CAST: variants seen among roughly 807,000 people sequenced by gnomAD.
CAST encodes the protein MIR583 host.
In CAST, 76 loss-of-function variants were observed where a neutral mutation model predicts 119.6. The ratio of observed to expected loss-of-function variants is 0.64; its 90% CI spans 0.53 to 0.77. The LOEUF is 0.77. CAST is among the 30% of genes least tolerant of loss of function. The probability of loss-of-function intolerance (pLI) is 0.00; values close to 1 mark genes in which losing one functional copy is unlikely to be tolerated. For missense variants in CAST, 953 were observed against 946.5 expected, an observed-to-expected ratio of 1.01 and a Z score of -0.09; for synonymous variants, 319 against 331.6, an observed-to-expected ratio of 0.96 and a Z score of 0.41.
At chr5:96,312,163 C>A in the CAST span, among the ~76,000 whole-genome samples, 34 of 152,176 alleles carry the variant, frequency 2.2e-4, no homozygotes, top group Admixed American at 5.9e-4. Flanking sequence ...GATAACAACT[C>A]AAATTTGATT....
intron 2 of CAST, among the ~76,000 whole-genome samples, chr5:96,693,595 G>A (rs1409031056): frequency 2.0e-5 from 3 of 152,168 alleles, no homozygotes; most frequent in Admixed American, 6.5e-5. Flanking sequence ...CAGTTTCCTC[G>A]CTGGAAAATG....
At chr5:96,352,357 T>C in the CAST span, among the ~76,000 whole-genome samples, 1 of 152,134 alleles carries the variant, frequency 6.6e-6, no homozygotes, top group Non-Finnish European at 1.5e-5. Context: ...CTCATGAAAT[T>C]TGCTTACGTT....
chr5:96,304,079 G>A, the CAST span, among the ~76,000 whole-genome samples: 427 of 152,232 alleles, frequency 2.8e-3, 1 homozygote, highest in African/African-American at 9.5e-3. Flanking sequence ...GTGTAAAAGC[G>A]TTCCTATTTC....
chr5:96,694,638 C>A (rs1433452548), intron 2 of CAST, among the ~76,000 whole-genome samples: 1 of 151,580 alleles, frequency 6.6e-6, no homozygotes, highest in East Asian at 1.9e-4. Context: ...CTCAAAAAAA[C>A]AAACAAACAA....
At position 96,773,242 on chromosome 5, in the gene CAST, T is replaced by A. The variant is rs983858554; in HGVS notation, c.*626T>A. 1 of 153,598 alleles carries A rather than the reference T, an allele frequency of 6.5e-6. No individual in the cohort carries two copies. Among genetic ancestry groups the A allele is most frequent in the Admixed American group, 6.5e-5 (1 of 15,278 alleles). 9.5% of individuals were successfully genotyped at this position (153,598 alleles called of 1,614,324 possible). A position where few individuals can be genotyped will look rare whatever the true frequency, so the allele number is the denominator to read the frequency against. On this transcript the variant is annotated 3_prime_UTR_variant, in exon 32 of 32. Coordinates refer to ENST00000675179, the MANE Select transcript of CAST (RefSeq NM_001750.7). The stretch of plus-strand genomic sequence containing the variant: ...ACAAACCAGGAAGCACCAAACCCCT[T>A]TTCAGTTTGAACTCTTCTTTGCCAG...
At chr5:96,153,386 G>A in the CAST span, among the ~76,000 whole-genome samples, 3 of 152,200 alleles carry the variant, frequency 2.0e-5, no homozygotes, top group Non-Finnish European at 2.9e-5. Flanking sequence ...ACGCACTCAG[G>A]TTCTGGAATT....
chr5:96,557,305 C>T (rs564078743), intron 1 of CAST, among the ~76,000 whole-genome samples: 234 of 152,024 alleles, frequency 1.5e-3, no homozygotes, highest in African/African-American at 4.7e-3. Flanking sequence ...CATCAACTAA[C>T]GAGCAAAATA....
At chr5:95,995,373 C>A in the CAST span, among the ~76,000 whole-genome samples, 8 of 152,230 alleles carry the variant, frequency 5.3e-5, no homozygotes, top group South Asian at 1.7e-3. Context: ...TTACCTGCTT[C>A]TTCTATCAAA....
rs187014860 is a variant in CAST, at chr5:96,535,505, T to C, written c.60+5625T>C. ...AGAACAGGCATAGGACATGGTGGCA[T>C]GAGTTGCCAGGTAAAATATAGGAGA... On this transcript the variant is annotated intron_variant, in intron 1 of 11. Transcript: ENST00000505143. Among the ~76,000 whole-genome samples, 67 of 151,828 alleles carry C rather than the reference T, an allele frequency of 4.4e-4. No individual in the cohort carries two copies. In the Middle Eastern group the frequency reaches 0.024, roughly 54 times the overall value.
chr5:96,351,123 A>G, the CAST span, among the ~76,000 whole-genome samples: 2 of 152,318 alleles, frequency 1.3e-5, no homozygotes, highest in South Asian at 4.1e-4. Context: ...TTTTCTAAAC[A>G]ACACTTAGAC....
At chr5:96,240,277 A>G in the CAST span, among the ~76,000 whole-genome samples, 2 of 152,182 alleles carry the variant, frequency 1.3e-5, no homozygotes, top group African/African-American at 4.8e-5. Flanking sequence ...CTGGATTTCA[A>G]TCATACTGTC....
the CAST span, among the ~76,000 whole-genome samples, chr5:96,262,674 C>T: frequency 0.33 from 49,614 of 151,902 alleles, 8,402 homozygotes; most frequent in Admixed American, 0.42. Context: ...GGACTACAGG[C>T]GCCTGCCACC....
the CAST span, among the ~76,000 whole-genome samples, chr5:96,490,223 C>T: frequency 7.9e-5 from 12 of 152,258 alleles, no homozygotes; most frequent in East Asian, 2.3e-3. Flanking sequence ...ACCTTTCCAG[C>T]CTCCTCTGCC....
At chr5:96,603,108 T>A (rs894964541) in intron 1 of CAST, among the ~76,000 whole-genome samples, 5 of 152,200 alleles carry the variant, frequency 3.3e-5, no homozygotes, top group African/African-American at 1.2e-4. Context: ...GCGTAATGGA[T>A]CATATATTTA....
chr5:96,103,910 G>T, the CAST span, among the ~76,000 whole-genome samples: 1 of 151,792 alleles, frequency 6.6e-6, no homozygotes, highest in Non-Finnish European at 1.5e-5. Context: ...GTGTGAGATG[G>T]TATCTCATTG....
the CAST span, chr5:96,318,693 C>T: frequency 6.6e-6 from 1 of 152,116 alleles, no homozygotes; most frequent in Non-Finnish European, 1.5e-5. Flanking sequence ...TTCTCAATGT[C>T]CCCCTTGCAT....
At position 96,680,600 on chromosome 5, in the gene CAST, T is replaced by G. The variant is rs557617254; in HGVS notation, c.138+4999T>G. Among the ~76,000 whole-genome samples, 5 of 151,992 alleles carry G rather than the reference T, an allele frequency of 3.3e-5. No individual in the cohort carries two copies. The South Asian group carries it at 1.0e-3, about 31-fold the overall frequency. ...TGAAAATGATAAATAATGTGCTTTGTGATAGATAAATCTTTTCCAATTAAA... is the reference window on the plus strand; with the variant it reads ...TGAAAATGATAAATAATGTGCTTTGGGATAGATAAATCTTTTCCAATTAAA... On this transcript the variant is annotated intron_variant, in intron 2 of 31. Transcript: ENST00000675179.
the CAST span, among the ~76,000 whole-genome samples, chr5:96,396,813 AT>A: frequency 6.6e-6 from 1 of 152,256 alleles, no homozygotes; most frequent in African/African-American, 2.4e-5. Flanking sequence ...AGTAAACAGA[AT>A]GAAAAAGAAA....
At chr5:96,203,175 C>T in the CAST span, among the ~76,000 whole-genome samples, 2 of 151,728 alleles carry the variant, frequency 1.3e-5, no homozygotes, top group Non-Finnish European at 2.9e-5. Context: ...ATATCGTGAT[C>T]ACCTTTCCAC....
Sources: gnomAD v4.1 joint callset for allele counts (sites outside exome capture counted in the v4.1 genomes callset) on GRCh38, gnomAD v4.1.1 for gene constraint, MANE v1.5 for transcripts, NCBI Gene and HGNC (gene_info 2026-07-23, HGNC 2026-07-21) for gene names.